The following SDHC variants were observed in gnomAD, a reference collection of about 807,000 sequenced individuals.
SDHC encodes the protein succinate dehydrogenase complex subunit C.
A neutral mutation model predicts 22.6 loss-of-function variants in SDHC; 11 were observed. The observed-to-expected ratio is 0.49, with a 90% CI of 0.31 to 0.81. The LOEUF (loss-of-function observed/expected upper bound fraction) is 0.81, where lower values mean the gene tolerates loss of function less well. SDHC is among the 30% of genes least tolerant of loss of function. The pLI, the probability that SDHC is intolerant of heterozygous loss-of-function variation, is 0.05. For missense variants in SDHC, 160 were observed against 212.0 expected (o/e 0.75, Z 1.52); for synonymous variants, 80 against 77.8 (o/e 1.03, Z -0.15).
intron 4 of SDHC, among the ~76,000 whole-genome samples, chr1:161,349,234 A>G (rs1322447654): frequency 6.6e-6 from 1 of 152,148 alleles, no homozygotes; most frequent in Non-Finnish European, 1.5e-5. Flanking sequence ...AGGCCAAGGC[A>G]GGTGGATTGC....
At position 161,341,120 on chromosome 1, in the gene SDHC, A is replaced by G. The variant is rs1056197349; in HGVS notation, c.241+465A>G. On this transcript the variant is annotated intron_variant, in intron 4 of 5. Transcript: ENST00000367975. ...CTTCCAAAGTGCTGGGATTACAGAC[A>G]TGAGCCACTGTGCCTGGCCCAGATT... 5.3e-5 allele frequency among the ~76,000 whole-genome samples: 8 copies of G among 152,304 alleles called. No homozygotes were observed. In the South Asian group the frequency reaches 1.7e-3, roughly 32 times the overall value.
At position 161,314,413 on chromosome 1, in the gene SDHC, C is replaced by A. The variant is rs142139022; in HGVS notation, c.8C>A (p.Ala3Glu). 6.2e-7 allele frequency: 1 copy of A among 1,613,332 alleles called. No homozygotes were observed. Among genetic ancestry groups the A allele is most frequent in the South Asian group, 1.1e-5 (1 of 91,014 alleles). MA[A>E]LLLRHVGRHC... ...TCCAGACCGGAACCCAAGATGGCTG[C>A]GCTGTTGCTGAGGTGACTTCAGTGG... is the stretch of plus-strand genomic sequence containing the variant. The change falls in exon 1 of 6, where the codon GCG becomes GAG. Residue 3 changes from alanine to glutamate, a missense_variant. Ala to Glu is a moderately radical substitution (Grantham distance 107, BLOSUM62 -1). Transcript: ENST00000367975.
At chr1:161,353,179 C>T (rs551220574) in intron 4 of SDHC, among the ~76,000 whole-genome samples, 4 of 152,150 alleles carry the variant, frequency 2.6e-5, no homozygotes, top group Admixed American at 6.5e-5. Context: ...TTTTGACTCT[C>T]GTAGGTCATT....
intron 3 of SDHC, among the ~76,000 whole-genome samples, chr1:161,337,873 G>A (rs1411442920): frequency 6.6e-6 from 1 of 152,140 alleles, no homozygotes; most frequent in Non-Finnish European, 1.5e-5. Context: ...AGGGTTTCAA[G>A]TCTTTCAGAT....
intron 1 of SDHC, chr1:161,314,826 TG>T: frequency 4.5e-6 from 1 of 220,956 alleles, no homozygotes; most frequent in Non-Finnish European, 9.2e-6. Flanking sequence ...GAGATCTTCG[TG>T]TATTTTGCCT....
At chr1:161,347,777 A>C (rs1390142919) in intron 4 of SDHC, among the ~76,000 whole-genome samples, 1 of 151,942 alleles carries the variant, frequency 6.6e-6, no homozygotes, top group Non-Finnish European at 1.5e-5. Flanking sequence ...GAGGCAGGAG[A>C]ATTGCTTGAA....
At chr1:161,349,124 G>A (rs926000893) in intron 4 of SDHC, among the ~76,000 whole-genome samples, 29 of 152,042 alleles carry the variant, frequency 1.9e-4, no homozygotes, top group African/African-American at 6.5e-4. Context: ...TGTACAATTA[G>A]CTTGAATGGA....
chr1:161,318,673 A>G (rs1473943267), intron 1 of SDHC, among the ~76,000 whole-genome samples: 1 of 152,210 alleles, frequency 6.6e-6, no homozygotes, highest in Non-Finnish European at 1.5e-5. Context: ...TTCATTCACA[A>G]ACCTTTTTAT....
intron 5 of SDHC, among the ~76,000 whole-genome samples, chr1:161,359,535 C>G (rs1421562556): frequency 6.6e-6 from 1 of 152,112 alleles, no homozygotes; most frequent in East Asian, 1.9e-4. Context: ...CATATTTTGG[C>G]TCAGACAGAG....
chr1:161,346,207 ATCTT>A (rs1270117609), intron 4 of SDHC, among the ~76,000 whole-genome samples: 1 of 152,140 alleles, frequency 6.6e-6, no homozygotes, highest in Non-Finnish European at 1.5e-5. Flanking sequence ...TGCTTAGAAA[ATCTT>A]TATTTACTAA....
At chr1:161,319,935 C>T (rs1479309666) in intron 1 of SDHC, among the ~76,000 whole-genome samples, 6 of 149,072 alleles carry the variant, frequency 4.0e-5, no homozygotes, top group East Asian at 2.0e-4. Context: ...GAGTTGGCCA[C>T]GTTGTGAAGT....
chr1:161,325,399 G>C (rs891051866), intron 2 of SDHC, among the ~76,000 whole-genome samples: 1 of 151,862 alleles, frequency 6.6e-6, no homozygotes, highest in African/African-American at 2.4e-5. Flanking sequence ...AATTTAGTAG[G>C]CTGGGCATGG....
At chr1:161,339,942 A>G (rs1386963077) in intron 3 of SDHC, among the ~76,000 whole-genome samples, 4 of 151,974 alleles carry the variant, frequency 2.6e-5, no homozygotes, top group Admixed American at 1.3e-4. Flanking sequence ...GGCCTCCCAA[A>G]GTGCTGGGAT....
intron 1 of SDHC, among the ~76,000 whole-genome samples, chr1:161,320,979 A>C (rs1373722488): frequency 6.6e-6 from 1 of 152,082 alleles, no homozygotes; most frequent in East Asian, 1.9e-4. Context: ...GGCGTGCGCC[A>C]CTACGCCCAG....
intron 1 of SDHC, among the ~76,000 whole-genome samples, chr1:161,323,330 A>G (rs1052745018): frequency 6.6e-6 from 1 of 151,672 alleles, no homozygotes; most frequent in Non-Finnish European, 1.5e-5. Flanking sequence ...CACTTTCTCT[A>G]TTTCTCTGTT....
At chr1:161,326,242 C>T (rs945023673) in intron 2 of SDHC, among the ~76,000 whole-genome samples, 2 of 151,708 alleles carry the variant, frequency 1.3e-5, no homozygotes, top group Non-Finnish European at 2.9e-5. Context: ...CTGATATGAC[C>T]TCATCAGATG....
At chr1:161,361,318 G>T (rs1340720721) in intron 5 of SDHC, among the ~76,000 whole-genome samples, 1 of 151,744 alleles carries the variant, frequency 6.6e-6, no homozygotes, top group Non-Finnish European at 1.5e-5. Context: ...ATCAACTTTT[G>T]CTATATTATA....
chr1:161,331,024 T>A (rs970370049), intron 3 of SDHC, among the ~76,000 whole-genome samples: 2 of 150,340 alleles, frequency 1.3e-5, no homozygotes, highest in Non-Finnish European at 3.0e-5. Context: ...AAGAGAACCT[T>A]GTGGGTCTCC....
intron 1 of SDHC, among the ~76,000 whole-genome samples, chr1:161,320,625 A>G (rs927281275): frequency 1.3e-5 from 2 of 152,112 alleles, no homozygotes; most frequent in Non-Finnish European, 1.5e-5. Context: ...TGCAAATTCT[A>G]AAGACCTCGG....
Sources: allele counts gnomAD v4.1 joint callset (sites outside exome capture counted in the v4.1 genomes callset), GRCh38; gene constraint gnomAD v4.1.1; transcripts MANE v1.5; gene names NCBI Gene and HGNC (gene_info 2026-07-23, HGNC 2026-07-21).